ITGB3BP: variants seen among roughly 807,000 people sequenced by gnomAD.
ITGB3BP encodes centromere protein R.
ITGB3BP carries 27 observed loss-of-function variants against 29.1 expected under a neutral mutation model. The ratio of observed to expected loss-of-function variants is 0.93; its 90% CI spans 0.68 to 1.28. ITGB3BP has a LOEUF of 1.28. Among genes scored for constraint, ITGB3BP ranks in the 50% most tolerant of loss-of-function variants. The probability of loss-of-function intolerance (pLI) is 0.00; values close to 1 mark genes in which losing one functional copy is unlikely to be tolerated. For synonymous variants in ITGB3BP, 61 were observed against 61.4 expected, an observed-to-expected ratio of 0.99 and a Z score of 0.03; for missense variants, 192 against 200.2, an observed-to-expected ratio of 0.96 and a Z score of 0.25.
At chr1:63,503,053 T>C (rs1645979325) in intron 2 of ITGB3BP, among the ~76,000 whole-genome samples, 1 of 152,150 alleles carries the variant, frequency 6.6e-6, no homozygotes, top group Non-Finnish European at 1.5e-5. Flanking sequence ...CTGGGTCAAA[T>C]GGTATTTCTA....
At chr1:63,488,292 A>C (rs1460065643) in intron 3 of ITGB3BP, among the ~76,000 whole-genome samples, 1 of 152,020 alleles carries the variant, frequency 6.6e-6, no homozygotes, top group Non-Finnish European at 1.5e-5. Flanking sequence ...GAGTGGCTAA[A>C]GTAGTGTAAA....
chr1:63,447,550 G>A (rs1570114669), intron 7 of ITGB3BP: 1 of 480,914 alleles, frequency 2.1e-6, no homozygotes, highest in Non-Finnish European at 4.2e-6. Context: ...CAAAGATGAA[G>A]CAATTTAGCT....
chr1:63,459,386 T>C (rs1485062617), intron 4 of ITGB3BP, among the ~76,000 whole-genome samples: 7 of 152,188 alleles, frequency 4.6e-5, no homozygotes, highest in Admixed American at 2.0e-4. Flanking sequence ...CTTTTATAAA[T>C]CTCAAGACTT....
intron 1 of ITGB3BP, 83 bp from the exon 2 acceptor site, chr1:63,508,653 C>T (rs1646132139): frequency 1.6e-6 from 1 of 613,680 alleles, no homozygotes; most frequent in Non-Finnish European, 2.8e-6. Context: ...GATATATAAA[C>T]AAAGATTCTT....
chr1:63,468,278 G>A (rs1171313556), intron 4 of ITGB3BP, among the ~76,000 whole-genome samples: 1 of 152,130 alleles, frequency 6.6e-6, no homozygotes. Context: ...TCCAGGGTAG[G>A]GTCATGTAAG....
chr1:63,503,955 T>C lies in ITGB3BP; in HGVS notation c.48+4573A>G, dbSNP rs1019725533. 1.5e-4 allele frequency among the ~76,000 whole-genome samples: 23 copies of C among 150,502 alleles called. 1 individual carries two copies. Among genetic ancestry groups the C allele is most frequent in the East Asian group, 9.7e-4 (5 of 5,180 alleles). ...TTGAAGTCAGGTAGCGTGATGCCTC[T>C]GGCTTTGTTCTTTTGGCTTAGGATT... On this transcript the variant is annotated intron_variant, in intron 2 of 8. Coordinates refer to ENST00000271002, the MANE Select transcript of ITGB3BP (RefSeq NM_014288.5).
At chr1:63,498,085 G>T (rs931586878) in intron 2 of ITGB3BP, among the ~76,000 whole-genome samples, 7 of 152,090 alleles carry the variant, frequency 4.6e-5, no homozygotes, top group African/African-American at 1.7e-4. Flanking sequence ...GGAAGGGAGA[G>T]ATTGAAAATT....
At chr1:63,474,902 TA>T (rs1645304405) in intron 4 of ITGB3BP, among the ~76,000 whole-genome samples, 1 of 32,254 alleles carries the variant, frequency 3.1e-5, no homozygotes, top group African/African-American at 6.6e-5. Flanking sequence ...AAAAAAAAAA[TA>T]AATAAATAAA....
At chr1:63,525,903 G>A (rs1646580841), upstream of ITGB3BP, 4 of 578,592 alleles carry the variant, frequency 6.9e-6, no homozygotes, top group Middle Eastern at 4.6e-4. Flanking sequence ...AAGCTATTAT[G>A]TCATATCATA....
intron 1 of ITGB3BP, among the ~76,000 whole-genome samples, chr1:63,521,068 G>A (rs1421701822): frequency 2.0e-5 from 3 of 151,508 alleles, no homozygotes; most frequent in Admixed American, 6.6e-5. Flanking sequence ...AGTTTTTTCT[G>A]CTCAAGGTTC....
chr1:63,473,073 C>A (rs1271390974), intron 4 of ITGB3BP, among the ~76,000 whole-genome samples: 1 of 151,944 alleles, frequency 6.6e-6, no homozygotes, highest in Non-Finnish European at 1.5e-5. Flanking sequence ...AAGTGAGGAG[C>A]GTCTCTGCCC....
chr1:63,455,283 TAA>T (rs1348419456), intron 4 of ITGB3BP, among the ~76,000 whole-genome samples: 1 of 151,588 alleles, frequency 6.6e-6, no homozygotes, highest in African/African-American at 2.4e-5. Flanking sequence ...CTTTTTAAAA[TAA>T]AAAAAGTTTT....
At chr1:63,522,944 G>C (rs1277810649) in intron 1 of ITGB3BP, 185 bp downstream of exon 1, 2 of 786,628 alleles carry the variant, frequency 2.5e-6, no homozygotes, top group Middle Eastern at 2.2e-4. Flanking sequence ...GAGGACTATC[G>C]TATGAGTACC....
At chr1:63,524,935 TG>T (rs1646558685), upstream of ITGB3BP, among the ~76,000 whole-genome samples, 1 of 152,220 alleles carries the variant, frequency 6.6e-6, no homozygotes, top group Admixed American at 6.5e-5. Flanking sequence ...AGTAAAACTA[TG>T]ATAATGCTAT....
chr1:63,524,081 T>A (rs1646533341), upstream of ITGB3BP, among the ~76,000 whole-genome samples: 1 of 152,170 alleles, frequency 6.6e-6, no homozygotes, highest in Non-Finnish European at 1.5e-5. Context: ...TGGTTTCTCG[T>A]CACAGAAAGG....
At chr1:63,456,167 TG>T (rs1356251208) in intron 4 of ITGB3BP, among the ~76,000 whole-genome samples, 1 of 151,964 alleles carries the variant, frequency 6.6e-6, no homozygotes, top group Non-Finnish European at 1.5e-5. Flanking sequence ...TTGACATTTT[TG>T]TTATTAAAAA....
chr1:63,505,900 C>A (rs1307064789), intron 2 of ITGB3BP, among the ~76,000 whole-genome samples: 1 of 152,082 alleles, frequency 6.6e-6, no homozygotes, highest in Admixed American at 6.5e-5. Flanking sequence ...AATTTCTGTT[C>A]TTTTACATTT....
intron 7 of ITGB3BP, 25 bp from the exon 8 acceptor site, chr1:63,446,881 T>A: frequency 6.4e-7 from 1 of 1,568,392 alleles, no homozygotes; most frequent in Non-Finnish European, 8.7e-7. Flanking sequence ...AAAGGTTTTT[T>A]TTTTCAGAAA....
intron 2 of ITGB3BP, among the ~76,000 whole-genome samples, chr1:63,491,096 CCT>C: frequency 6.6e-6 from 1 of 152,244 alleles, no homozygotes; most frequent in South Asian, 2.1e-4. Flanking sequence ...CTTGGAACAT[CCT>C]CTTTTTTATC....
Sources: gnomAD v4.1 joint callset for allele counts (sites outside exome capture counted in the v4.1 genomes callset) on GRCh38, gnomAD v4.1.1 for gene constraint, MANE v1.5 for transcripts, NCBI Gene and HGNC (gene_info 2026-07-23, HGNC 2026-07-21) for gene names.